KIF13B: variants seen among roughly 807,000 people sequenced by gnomAD.
The protein encoded by KIF13B is kinesin-like protein KIF13B.
A neutral mutation model predicts 222.0 loss-of-function variants in KIF13B; 127 were observed. The ratio of observed to expected loss-of-function variants is 0.57; its 90% CI spans 0.50 to 0.66. The LOEUF is 0.66. Ranked by LOEUF, KIF13B falls within the 30% of genes least tolerant of loss-of-function variation. The pLI, the probability that KIF13B is intolerant of heterozygous loss-of-function variation, is 0.00. For synonymous variants in KIF13B, 976 were observed against 919.0 expected (o/e 1.06, Z -1.12); for missense variants, 2,173 against 2,379.0 (o/e 0.91, Z 1.80).
chr8:29,136,779 AAG>A (rs1810575980), intron 21 of KIF13B, among the ~76,000 whole-genome samples: 1 of 151,270 alleles, frequency 6.6e-6, no homozygotes, highest in Middle Eastern at 3.2e-3. Context: ...AATGAAATGA[AAG>A]AGACCTGTAA....
chr8:29,094,495 C>T (rs1808434248), intron 36 of KIF13B, among the ~76,000 whole-genome samples: 2 of 152,180 alleles, frequency 1.3e-5, no homozygotes, highest in Non-Finnish European at 2.9e-5. Flanking sequence ...GGACATACAT[C>T]ATATGGCCCC....
chr8:29,146,251 A>C (rs1029211495), intron 18 of KIF13B, 127 bp downstream of exon 18: 1 of 910,880 alleles, frequency 1.1e-6, no homozygotes, highest in Non-Finnish European at 1.8e-6. Context: ...ACCCAAAAGC[A>C]TGGAGGACAA....
chr8:29,195,989 G>A (rs563906847), intron 3 of KIF13B, among the ~76,000 whole-genome samples, 198 bp downstream of exon 3: 7 of 152,354 alleles, frequency 4.6e-5, no homozygotes, highest in East Asian at 1.9e-4. Flanking sequence ...TGGTCAAAGT[G>A]CAAATACAGC....
rs952368985 is a variant in KIF13B, at chr8:29,148,843, C to T, written c.1623-76G>A. 3 of 1,169,026 alleles carry T rather than the reference C, an allele frequency of 2.6e-6. No homozygotes were observed. The African/African-American group carries it at 4.6e-5, about 18-fold the overall frequency. 72.4% of individuals were successfully genotyped at this position (1,169,026 alleles called of 1,614,324 possible). On this transcript the variant is annotated intron_variant, in intron 15 of 39. Coordinates refer to ENST00000524189, the MANE Select transcript of KIF13B (RefSeq NM_015254.4). ...CATGTCATTCATTAAGTACTGGTAT[C>T]TGTTAGAAGCCAAGTGGATACCATG...
rs754341426 is a variant in KIF13B, at chr8:29,147,571, T to C, written c.1845A>G (p.Glu615=). The C allele has an allele frequency of 1.2e-6, 2 of 1,613,338 alleles. No individual in the cohort carries two copies. Among genetic ancestry groups the C allele is most frequent in the East Asian group, 2.2e-5 (1 of 44,884 alleles). ...ATCGTTTTTCTTCTTCATGCTGTTG[T>C]TCTAAGCTGTTTAATATGGACTGCA... ...DPMQSILNSL[E]QQHEEEKRSA... The change falls in exon 17 of 40, where the codon GAA becomes GAG. Residue 615 remains glutamate, a synonymous_variant. Transcript: ENST00000524189.
intron 2 of KIF13B, among the ~76,000 whole-genome samples, chr8:29,212,677 G>A (rs1447061283): frequency 6.6e-6 from 1 of 151,580 alleles, no homozygotes; most frequent in African/African-American, 2.4e-5. Context: ...GTAGACATTC[G>A]TTATTATTTC....
At chr8:29,119,744 TAAG>T (rs1003106971) in intron 29 of KIF13B, among the ~76,000 whole-genome samples, 1 of 152,302 alleles carries the variant, frequency 6.6e-6, no homozygotes, top group South Asian at 2.1e-4. Flanking sequence ...CACAGCAGGA[TAAG>T]GACTTGTGGC....
At chr8:29,168,036 T>G (rs991448494) in intron 10 of KIF13B, among the ~76,000 whole-genome samples, 2 of 152,244 alleles carry the variant, frequency 1.3e-5, no homozygotes, top group African/African-American at 2.4e-5. Flanking sequence ...AGCCTAATAA[T>G]GGCTCAGAAA....
chr8:29,228,863 CTTG>C (rs1194407088), intron 2 of KIF13B, among the ~76,000 whole-genome samples: 2 of 152,062 alleles, frequency 1.3e-5, no homozygotes, highest in Non-Finnish European at 2.9e-5. Flanking sequence ...TTGTTAATAT[CTTG>C]TTACAAATGA....
intron 12 of KIF13B, among the ~76,000 whole-genome samples, chr8:29,164,848 C>A (rs1269429745): frequency 6.6e-6 from 1 of 151,084 alleles, no homozygotes. Flanking sequence ...CCTACCCTAA[C>A]GTGTTTTTTT....
chr8:29,151,735 C>T (rs1811305053), intron 14 of KIF13B, among the ~76,000 whole-genome samples: 1 of 151,998 alleles, frequency 6.6e-6, no homozygotes. Flanking sequence ...TGATAATGCA[C>T]CTGATCACCC....
intron 2 of KIF13B, among the ~76,000 whole-genome samples, chr8:29,227,891 T>TG (rs1163531386): frequency 6.6e-6 from 1 of 151,718 alleles, no homozygotes; most frequent in African/African-American, 2.4e-5. Flanking sequence ...TTCAAGTACA[T>TG]GATGAGCCAT....
At chr8:29,105,649 G>GTTTT (rs1491222066) in intron 35 of KIF13B, among the ~76,000 whole-genome samples, 10 of 70,356 alleles carry the variant, frequency 1.4e-4, no homozygotes, top group African/African-American at 2.6e-4. Flanking sequence ...GAGTTTGTTT[G>GTTTT]GTTTTTTTTT....
chr8:29,241,242 A>G (rs1435598744), intron 2 of KIF13B, among the ~76,000 whole-genome samples: 2 of 152,236 alleles, frequency 1.3e-5, no homozygotes, highest in Non-Finnish European at 2.9e-5. Context: ...GAACAGGCAA[A>G]TCTCACATCT....
intron 1 of KIF13B, among the ~76,000 whole-genome samples, chr8:29,259,291 C>T (rs904841531): frequency 6.6e-6 from 1 of 152,050 alleles, no homozygotes; most frequent in Non-Finnish European, 1.5e-5. Context: ...TTGGAAAATG[C>T]CAAGTAAACT....
In KIF13B at chr8:29,147,486, G is replaced by C. The variant is rs1439571543; in HGVS notation, c.1930C>G (p.Leu644Val). The C allele has an allele frequency of 6.2e-7, 1 of 1,613,428 alleles. No individual in the cohort carries two copies. The highest frequency in any genetic ancestry group is 2.2e-5 in the East Asian group (1 of 44,872). The stretch of plus-strand genomic sequence containing the variant: ...CGGCAGTTCTGCTTCTCAGGAGACA[G>C]CCTTCTCCGGAGCTGCTCCAATTCG... ...EHELEQLRRR[L>V]SPEKQNCRSM... The change falls in exon 17 of 40, where the codon CTG (leucine) becomes GTG (valine). Residue 644 changes from leucine to valine, a missense_variant. By Grantham distance (32) the Leu-to-Val change is conservative. Coordinates refer to ENST00000524189, the MANE Select transcript of KIF13B (RefSeq NM_015254.4).
intron 31 of KIF13B, among the ~76,000 whole-genome samples, chr8:29,114,857 G>A (rs924045960): frequency 2.0e-5 from 3 of 152,112 alleles, no homozygotes; most frequent in African/African-American, 7.2e-5. Context: ...TCAGTCCCAG[G>A]GCCTGGCAAC....
intron 10 of KIF13B, among the ~76,000 whole-genome samples, chr8:29,175,645 T>C (rs915666127): frequency 1.3e-5 from 2 of 152,228 alleles, no homozygotes; most frequent in African/African-American, 2.4e-5. Flanking sequence ...AAGGTCTGAC[T>C]GTCCCAAAGT....
Position 29,070,441 on chromosome 8 carries a change from T to C in KIF13B, c.*63A>G, listed in dbSNP as rs543177419. 1.3e-6 allele frequency: 2 copies of C among 1,575,524 alleles called. No homozygotes were observed. Among genetic ancestry groups the C allele is most frequent in the African/African-American group, 2.7e-5 (2 of 74,210 alleles). On this transcript the variant is annotated 3_prime_UTR_variant, in exon 40 of 40. Coordinates refer to ENST00000524189, the MANE Select transcript of KIF13B (RefSeq NM_015254.4). This position sits in a 1 kb window ranked among gnomAD's most constrained non-coding sequence, Gnocchi z 4.1. ...CACCGGGCTCCTGGCTCCTCAGGGCTGTCACTGGCAGGGCTCAAAAGGGGC... is the reference window on the plus strand; with the variant it reads ...CACCGGGCTCCTGGCTCCTCAGGGCCGTCACTGGCAGGGCTCAAAAGGGGC...
Sources: gnomAD v4.1 joint callset for allele counts (sites outside exome capture counted in the v4.1 genomes callset) on GRCh38, gnomAD v4.1.1 for gene constraint, Gnocchi (gnomAD v3.1) non-coding constraint, MANE v1.5 for transcripts, NCBI Gene and HGNC (gene_info 2026-07-23, HGNC 2026-07-21) for gene names.